Variants in VASN observed in about 807,000 individuals in gnomAD.
The protein encoded by VASN is vasorin.
In VASN, 5 loss-of-function variants were observed where a neutral mutation model predicts 4.8. The ratio of observed to expected loss-of-function variants is 1.03; its 90% confidence interval spans 0.54 to 2.17. The LOEUF is 2.17. VASN is among the 30% of genes most tolerant of loss of function. The pLI, the probability that VASN is intolerant of heterozygous loss-of-function variation, is 0.01. For missense variants in VASN, 927 were observed against 948.8 expected, an observed-to-expected ratio of 0.98 and a Z score of 0.30; for synonymous variants, 499 against 460.8, an observed-to-expected ratio of 1.08 and a Z score of -1.06.
rs772699536 is a variant in VASN, at chr16:4,381,802, T to C, written c.925T>C (p.Phe309Leu). 4.4e-6 allele frequency: 7 copies of C among 1,600,398 alleles called. No homozygotes were observed. The South Asian group carries it at 7.7e-5, about 18-fold the overall frequency. Residue 309 changes from phenylalanine (F) to leucine (L), a missense_variant, in exon 2 of 2, where the codon TTT (phenylalanine) becomes CTT (leucine). Physicochemically the swap from Phe to Leu is conservative, Grantham distance 22. Transcript: ENST00000304735. ...CAACTGCGTGTGCCCCCTGAGCTGGTTTGGCCCCTGGGTGCGCGAGAGCCA... is the reference window on the plus strand; with the variant it reads ...CAACTGCGTGTGCCCCCTGAGCTGGCTTGGCCCCTGGGTGCGCGAGAGCCA... ...PFNCVCPLSW[F>L]GPWVRESHVT...
At chr16:4,376,720 T>C (rs2054745097) in intron 1 of VASN, among the ~76,000 whole-genome samples, 1 of 152,066 alleles carries the variant, frequency 6.6e-6, no homozygotes, top group Non-Finnish European at 1.5e-5. Flanking sequence ...TTGTCCTCCT[T>C]ACTCATAGGG....
intron 1 of VASN, among the ~76,000 whole-genome samples, chr16:4,373,612 C>G (rs537877904): frequency 2.6e-5 from 4 of 152,284 alleles, no homozygotes; most frequent in African/African-American, 9.6e-5. Context: ...GGAGATGCCC[C>G]GGGCAGGAGA....
chr16:4,374,287 A>C (rs2054638157), intron 1 of VASN, among the ~76,000 whole-genome samples: 1 of 151,826 alleles, frequency 6.6e-6, no homozygotes, highest in African/African-American at 2.4e-5. Flanking sequence ...AGTCAGCCGG[A>C]TCGCTTTCCC....
intron 1 of VASN, among the ~76,000 whole-genome samples, chr16:4,378,792 AG>A (rs1172391802): frequency 2.6e-5 from 4 of 151,634 alleles, no homozygotes; most frequent in Non-Finnish European, 5.9e-5. Flanking sequence ...TAGGGAGGTG[AG>A]GGGGCACACG....
At chr16:4,378,992 C>T (rs2141237906) in intron 1 of VASN, among the ~76,000 whole-genome samples, 1 of 152,220 alleles carries the variant, frequency 6.6e-6, no homozygotes, top group South Asian at 2.1e-4. Flanking sequence ...CTTCCTTCAC[C>T]TCGAGCTACC....
Position 4,381,880 on chromosome 16 carries a change from G to A in VASN, c.1003G>A (p.Ala335Thr), listed in dbSNP as rs1280763007. 9 of 1,604,328 alleles carry A rather than the reference G, an allele frequency of 5.6e-6. No homozygotes were observed. Among genetic ancestry groups the A allele is most frequent in the Admixed American group, 1.7e-5 (1 of 59,894 alleles). The change falls in exon 2 of 2, where the codon GCT becomes ACT. Residue 335 changes from alanine to threonine, a missense_variant. Ala to Thr is a moderately conservative substitution (Grantham distance 58). Transcript: ENST00000304735. ...ETRCHFPPKN[A>T]GRLLLELDYA... Reference sequence around the variant, plus strand: ...GCGCTGCCACTTCCCGCCCAAGAACGCTGGCCGGCTGCTCCTGGAGCTTGA... The same window carrying A: ...GCGCTGCCACTTCCCGCCCAAGAACACTGGCCGGCTGCTCCTGGAGCTTGA...
intron 1 of VASN, among the ~76,000 whole-genome samples, chr16:4,375,856 A>T (rs2054705670): frequency 6.6e-6 from 1 of 152,018 alleles, no homozygotes; most frequent in African/African-American, 2.4e-5. Context: ...AGCTTCCTGG[A>T]TGATTCTGAT....
chr16:4,381,096 CG>C lies in VASN; in HGVS notation c.221del (p.Gly74AlafsTer34). On this transcript the variant is annotated frameshift_variant, in exon 2 of 2. Transcript: ENST00000304735. LOFTEE classifies it low-confidence loss of function (END_TRUNC). Reference protein sequence around the residue: ...ITMLDAGSFAGLPGLQLLDLS... With the variant: ...ITMLDAGSFAXLPGLQLLDLS... ...CCATGCTCGACGCAGGCAGCTTTGC[CG>C]GCCTGCCGGGCCTGCAGCTCCTGGA... The C allele has an allele frequency of 6.2e-7, 1 of 1,608,060 alleles. No individual in the cohort carries two copies. The highest frequency in any genetic ancestry group is 8.5e-7 in the Non-Finnish European group (1 of 1,178,114).
In VASN at chr16:4,381,223, A is replaced by C; in HGVS notation, c.346A>C (p.Thr116Pro). ...GACAGCCAACAGGCTGCATGAAATC[A>C]CCAATGAGACCTTCCGTGGCCTGCG... ...DLTANRLHEITNETFRGLRRL... is the reference protein window; with the variant it reads ...DLTANRLHEIPNETFRGLRRL... The change falls in exon 2 of 2, where the codon ACC (threonine) becomes CCC (proline). Residue 116 changes from threonine to proline, a missense_variant. By Grantham distance (38) the Thr-to-Pro change is conservative (BLOSUM62 -1). Coordinates refer to ENST00000304735, the MANE Select transcript of VASN (RefSeq NM_138440.3). The C allele has an allele frequency of 6.2e-7, 1 of 1,612,092 alleles. No individual in the cohort carries two copies. Among genetic ancestry groups the C allele is most frequent in the East Asian group, 2.2e-5 (1 of 44,802 alleles).
Position 4,381,256 on chromosome 16 carries a change from G to T in VASN, c.379G>T (p.Glu127Ter). 1.2e-6 allele frequency: 2 copies of T among 1,611,586 alleles called. No individual in the cohort carries two copies. Among genetic ancestry groups the T allele is most frequent in the East Asian group, 2.2e-5 (1 of 44,750 alleles). Residue 127 changes from glutamate (E) to a stop codon, truncating the protein, a stop_gained, in exon 2 of 2, where the codon GAG (glutamate) becomes TAG (stop). Coordinates refer to ENST00000304735, the MANE Select transcript of VASN (RefSeq NM_138440.3). LOFTEE classifies it low-confidence loss of function (END_TRUNC). Reference protein sequence around the residue: ...NETFRGLRRLERLYLGKNRIR... With the variant: ...NETFRGLRRL Reference sequence around the variant, plus strand: ...GACCTTCCGTGGCCTGCGGCGCCTCGAGCGCCTCTACCTGGGCAAGAACCG... The same window carrying T: ...GACCTTCCGTGGCCTGCGGCGCCTCTAGCGCCTCTACCTGGGCAAGAACCG...
At chr16:4,375,761 T>G (rs749419034) in intron 1 of VASN, among the ~76,000 whole-genome samples, 26 of 152,242 alleles carry the variant, frequency 1.7e-4, no homozygotes, top group Non-Finnish European at 2.8e-4. Context: ...GTACTGGGAT[T>G]ACAGGCGTGA....
chr16:4,381,716 C>A lies in VASN; in HGVS notation c.839C>A (p.Pro280His). The change falls in exon 2 of 2, where the codon CCT (proline) becomes CAT (histidine). Residue 280 changes from proline (P) to histidine (H), a missense_variant. Physicochemically the swap from Pro to His is moderately conservative, Grantham distance 77. Transcript: ENST00000304735. ...DVSNLSLQAL[P>H]GDLSGLFPRL... ...AGCAACCTAAGCCTGCAGGCCCTGCCTGGCGACCTCTCGGGCCTCTTCCCC... is the reference window on the plus strand; with the variant it reads ...AGCAACCTAAGCCTGCAGGCCCTGCATGGCGACCTCTCGGGCCTCTTCCCC... The A allele has an allele frequency of 1.9e-6, 3 of 1,607,032 alleles. No individual in the cohort carries two copies. Among genetic ancestry groups the A allele is most frequent in the Non-Finnish European group, 2.5e-6 (3 of 1,179,418 alleles).
chr16:4,376,027 G>A (rs2054713571), intron 1 of VASN, among the ~76,000 whole-genome samples: 1 of 152,176 alleles, frequency 6.6e-6, no homozygotes, highest in Non-Finnish European at 1.5e-5. Context: ...GGTGGTGGAT[G>A]GAGTAAGAAA....
Position 4,381,039 on chromosome 16 carries a change from G to T in VASN, c.162G>T (p.Thr54=), listed in dbSNP as rs377058440. The change falls in exon 2 of 2, where the codon ACG becomes ACT. Residue 54 remains threonine (T), a synonymous_variant. Transcript: ENST00000304735. The part of the protein sequence containing the change: ...TTVPRDVPPD[T]VGLYVFENGI... Reference sequence around the variant, plus strand: ...TGCCCCGAGACGTGCCACCCGACACGGTGGGGCTGTACGTCTTTGAGAACG... The same window carrying T: ...TGCCCCGAGACGTGCCACCCGACACTGTGGGGCTGTACGTCTTTGAGAACG... The T allele has an allele frequency of 1.2e-6, 2 of 1,610,540 alleles. No individual in the cohort carries two copies. The highest frequency in any genetic ancestry group is 1.7e-6 in the Non-Finnish European group (2 of 1,179,132).
At chr16:4,372,438 T>A (rs1040809144) in intron 1 of VASN, among the ~76,000 whole-genome samples, 3 of 152,208 alleles carry the variant, frequency 2.0e-5, no homozygotes, top group African/African-American at 7.2e-5. Flanking sequence ...TGGACCCTTG[T>A]CACTCAAAGC....
chr16:4,381,822 G>C lies in VASN; in HGVS notation c.945G>C (p.Glu315Asp), dbSNP rs752531352. The stretch of plus-strand genomic sequence containing the variant: ...GCTGGTTTGGCCCCTGGGTGCGCGA[G>C]AGCCACGTCACACTGGCCAGCCCTG... Reference protein sequence around the residue: ...PLSWFGPWVRESHVTLASPEE... With the variant: ...PLSWFGPWVRDSHVTLASPEE... The change falls in exon 2 of 2, where the codon GAG becomes GAC. Residue 315 changes from glutamate (E) to aspartate (D), a missense_variant. By Grantham distance (45) the Glu-to-Asp change is conservative (BLOSUM62 2). Transcript: ENST00000304735. The C allele has an allele frequency of 4.4e-6, 7 of 1,600,778 alleles. No individual in the cohort carries two copies. Among genetic ancestry groups the C allele is most frequent in the Non-Finnish European group, 5.1e-6 (6 of 1,179,642 alleles).
Position 4,382,229 on chromosome 16 carries a change from C to G in VASN, c.1352C>G (p.Pro451Arg). 1 of 1,606,256 alleles carries G rather than the reference C, an allele frequency of 6.2e-7. No homozygotes were observed. The highest frequency in any genetic ancestry group is 8.5e-7 in the Non-Finnish European group (1 of 1,178,030). Reference sequence around the variant, plus strand: ...AGCCAGATGGGGCAGGGGACACGGCCCAGCCCTACACCAGTCACGCCGAGG... The same window carrying G: ...AGCCAGATGGGGCAGGGGACACGGCGCAGCCCTACACCAGTCACGCCGAGG... Reference protein sequence around the residue: ...CESQMGQGTRPSPTPVTPRPP... With the variant: ...CESQMGQGTRRSPTPVTPRPP... Residue 451 changes from proline (P) to arginine (R), a missense_variant, in exon 2 of 2, where the codon CCC becomes CGC. Pro to Arg is a moderately radical substitution (Grantham distance 103, BLOSUM62 -2). Transcript: ENST00000304735.
chr16:4,381,141 C>G lies in VASN; in HGVS notation c.264C>G (p.Ile88Met). The change falls in exon 2 of 2, where the codon ATC becomes ATG. Residue 88 changes from isoleucine (I) to methionine (M), a missense_variant. By Grantham distance (10) the Ile-to-Met change is conservative. Coordinates refer to ENST00000304735, the MANE Select transcript of VASN (RefSeq NM_138440.3). ...TCCTGGACCTGTCACAGAACCAGAT[C>G]GCCAGCCTGCCCAGCGGGGTCTTCC... ...LQLLDLSQNQ[I>M]ASLPSGVFQP... 3 of 1,610,326 alleles carry G rather than the reference C, an allele frequency of 1.9e-6. No individual in the cohort carries two copies. The highest frequency in any genetic ancestry group is 2.5e-6 in the Non-Finnish European group (3 of 1,178,958).
chr16:4,378,564 T>C (rs970007282), intron 1 of VASN, among the ~76,000 whole-genome samples: 5 of 151,912 alleles, frequency 3.3e-5, no homozygotes, highest in Non-Finnish European at 5.9e-5. Flanking sequence ...GCGGGTCCCA[T>C]GGGGGAAGAG....
Sources: gnomAD v4.1 joint callset for allele counts (sites outside exome capture counted in the v4.1 genomes callset) on GRCh38, gnomAD v4.1.1 for gene constraint, MANE v1.5 for transcripts, NCBI Gene and HGNC (gene_info 2026-07-23, HGNC 2026-07-21) for gene names.